The following PTPRN2 variants were observed in gnomAD, a reference collection of about 807,000 sequenced individuals.
PTPRN2 encodes protein tyrosine phosphatase receptor type N2.
A neutral mutation model predicts 118.8 loss-of-function variants in PTPRN2; 74 were observed. The ratio of observed to expected loss-of-function variants is 0.62; its 90% CI spans 0.52 to 0.76. The LOEUF (loss-of-function observed/expected upper bound fraction) is 0.76, where lower values mean the gene tolerates loss of function less well. Among genes scored for constraint, PTPRN2 ranks in the 30% least tolerant of loss-of-function variants. PTPRN2 has a pLI of 0.00. For missense variants in PTPRN2, 1,481 were observed against 1,394.4 expected (o/e 1.06, Z -0.99); for synonymous variants, 641 against 608.0 (o/e 1.05, Z -0.80).
At chr7:157,545,946 T>C (rs1175155665) in intron 22 of PTPRN2, among the ~76,000 whole-genome samples, 1 of 152,134 alleles carries the variant, frequency 6.6e-6, no homozygotes, top group African/African-American at 2.4e-5. Flanking sequence ...AATTTTTCTA[T>C]CTTTGTGAAA....
chr7:158,355,734 G>A (rs927337202), intron 2 of PTPRN2, among the ~76,000 whole-genome samples: 4 of 152,250 alleles, frequency 2.6e-5, no homozygotes, highest in Non-Finnish European at 5.9e-5. Flanking sequence ...GATGGCAACA[G>A]GGAGAATCTG....
chr7:158,070,276 T>C (rs978354574), intron 11 of PTPRN2, among the ~76,000 whole-genome samples: 1 of 143,706 alleles, frequency 7.0e-6, no homozygotes, highest in African/African-American at 3.0e-5. Context: ...GAGGTGCTCA[T>C]GGTGGAGGTG....
At chr7:158,252,091 T>A (rs1339687586) in intron 3 of PTPRN2, among the ~76,000 whole-genome samples, 1 of 152,128 alleles carries the variant, frequency 6.6e-6, no homozygotes, top group Non-Finnish European at 1.5e-5. Context: ...CCTCCATCCA[T>A]CCTTCGCCTA....
chr7:158,518,303 C>T (rs552453932), intron 1 of PTPRN2, among the ~76,000 whole-genome samples: 4 of 151,474 alleles, frequency 2.6e-5, no homozygotes, highest in Admixed American at 6.6e-5. Flanking sequence ...AGAGACGATA[C>T]GGATTTCACG....
At chr7:158,520,176 G>C (rs553183550) in intron 1 of PTPRN2, among the ~76,000 whole-genome samples, 1 of 152,194 alleles carries the variant, frequency 6.6e-6, no homozygotes, top group Non-Finnish European at 1.5e-5. Flanking sequence ...TTCCAAGAGG[G>C]AGCCCTGACA....
chr7:157,915,688 G>A (rs1798356202), intron 11 of PTPRN2, among the ~76,000 whole-genome samples: 1 of 152,058 alleles, frequency 6.6e-6, no homozygotes, highest in Non-Finnish European at 1.5e-5. Context: ...TGAAGTTCAG[G>A]TTTACCCGGT....
At chr7:158,163,805 C>T (rs142100108) in intron 6 of PTPRN2, among the ~76,000 whole-genome samples, 19 of 151,886 alleles carry the variant, frequency 1.3e-4, no homozygotes, top group South Asian at 6.2e-4. Flanking sequence ...GACGCCTGTA[C>T]GGGGTTCTCA....
Position 157,682,792 on chromosome 7 carries a change from T to C in PTPRN2, c.1934A>G (p.His645Arg), listed in dbSNP as rs779200462. 6 of 1,614,022 alleles carry C rather than the reference T, an allele frequency of 3.7e-6. No homozygotes were observed. The African/African-American group carries it at 6.7e-5, about 18-fold the overall frequency. ...LIYCLRHSSQHRLKEKLSGLG... is the reference protein window; with the variant it reads ...LIYCLRHSSQRRLKEKLSGLG... Reference sequence around the variant, plus strand: ...TCCCGAGAGCTTCTCCTTCAGCCTGTGCTGAGAGCTATGGCGGAGGCAGTA... The same window carrying C: ...TCCCGAGAGCTTCTCCTTCAGCCTGCGCTGAGAGCTATGGCGGAGGCAGTA... Residue 645 changes from histidine to arginine, a missense_variant, in exon 13 of 23, where the codon CAC becomes CGC. Transcript: ENST00000389418.
chr7:158,425,197 CCGCCGGG>C (rs1815620066), intron 2 of PTPRN2, among the ~76,000 whole-genome samples: 1 of 34,638 alleles, frequency 2.9e-5, no homozygotes, highest in African/African-American at 7.3e-5. Context: ...GGCCTGCGCA[CCGCCGGG>C]AAAGACGCGG....
Position 157,888,582 on chromosome 7 carries a change from T to G in PTPRN2, c.1788+10091A>C, listed in dbSNP as rs369387299. Reference sequence around the variant, plus strand: ...CCCCAACATCCAATGCCCCTTCTCTTGAATCCCCAAACACAGGCCCTCATC... The same window carrying G: ...CCCCAACATCCAATGCCCCTTCTCTGGAATCCCCAAACACAGGCCCTCATC... On this transcript the variant is annotated intron_variant, in intron 12 of 22. Transcript: ENST00000389418. Among the ~76,000 whole-genome samples the G allele has an allele frequency of 4.6e-4, 66 of 141,974 alleles. 1 individual carries two copies. In the East Asian group the frequency reaches 0.011, roughly 24 times the overall value. 93.1% of individuals were successfully genotyped at this position (141,974 alleles called of 152,430 possible).
intron 4 of PTPRN2, among the ~76,000 whole-genome samples, chr7:158,203,275 A>G (rs1410316028): frequency 1.3e-5 from 2 of 151,698 alleles, no homozygotes; most frequent in Non-Finnish European, 1.5e-5. Context: ...AGAGGAAAGA[A>G]AAAGGAAGGA....
chr7:157,788,299 T>A (rs1804203722), intron 12 of PTPRN2, among the ~76,000 whole-genome samples: 1 of 142,726 alleles, frequency 7.0e-6, no homozygotes. Flanking sequence ...CACTTGAACC[T>A]GGGAGGCGGA....
intron 2 of PTPRN2, among the ~76,000 whole-genome samples, chr7:158,476,526 G>A (rs2129444624): frequency 6.6e-6 from 1 of 152,362 alleles, no homozygotes; most frequent in Non-Finnish European, 1.5e-5. Context: ...GTGTCTCCGT[G>A]AAAATTCACA....
intron 3 of PTPRN2, among the ~76,000 whole-genome samples, chr7:158,299,956 G>A (rs539424722): frequency 2.6e-5 from 4 of 152,314 alleles, no homozygotes; most frequent in South Asian, 2.1e-4. Flanking sequence ...GGCCTTTTCC[G>A]GTTAACACCA....
intron 21 of PTPRN2, among the ~76,000 whole-genome samples, chr7:157,557,251 ACACAC>A (rs1431348570): frequency 1.3e-5 from 2 of 151,470 alleles, no homozygotes; most frequent in African/African-American, 2.4e-5. Flanking sequence ...ACAGGCATGC[ACACAC>A]CACACAACAC....
intron 1 of PTPRN2, among the ~76,000 whole-genome samples, chr7:158,566,523 C>T (rs1827684108): frequency 6.6e-6 from 1 of 152,208 alleles, no homozygotes; most frequent in Non-Finnish European, 1.5e-5. Flanking sequence ...ACAAAAGGTA[C>T]TCTGCAGGTG....
intron 2 of PTPRN2, among the ~76,000 whole-genome samples, chr7:158,341,809 A>G (rs1806876193): frequency 7.4e-6 from 1 of 134,848 alleles, no homozygotes; most frequent in Non-Finnish European, 1.6e-5. Flanking sequence ...CTCTCACCGT[A>G]AGAGGTGACA....
chr7:157,766,184 A>AATCCATCC lies in PTPRN2; in HGVS notation c.1789-83255_1789-83248dup, dbSNP rs775536701. 8.6e-3 allele frequency among the ~76,000 whole-genome samples: 999 copies of AATCCATCC among 116,222 alleles called. 22 individuals are homozygous for AATCCATCC. Among genetic ancestry groups the AATCCATCC allele is most frequent in the African/African-American group, 0.032 (944 of 29,746 alleles). 76.2% of individuals were successfully genotyped at this position (116,222 alleles called of 152,430 possible). A position where few individuals can be genotyped will look rare whatever the true frequency, so the allele number is the denominator to read the frequency against. ...ATCCACCATCCCCCATCTGTCCACC[A>AATCCATCC]ATCCATCCATCCATCCATCCATCCA... On this transcript the variant is annotated intron_variant, in intron 12 of 22. Transcript: ENST00000389418.
chr7:158,221,585 T>C (rs989507067), intron 3 of PTPRN2, among the ~76,000 whole-genome samples: 1 of 152,074 alleles, frequency 6.6e-6, no homozygotes, highest in African/African-American at 2.4e-5. Context: ...ACAATCATGA[T>C]GGAAGGTGAA....
Sources: gnomAD v4.1 joint callset for allele counts (sites outside exome capture counted in the v4.1 genomes callset) on GRCh38, gnomAD v4.1.1 for gene constraint, MANE v1.5 for transcripts, NCBI Gene and HGNC (gene_info 2026-07-23, HGNC 2026-07-21) for gene names.